Variants in REV1 observed in about 807,000 individuals in gnomAD.
REV1 encodes the protein REV1 DNA directed polymerase, also known as translesion synthesis protein REV1.
REV1 carries 42 observed loss-of-function variants against 137.4 expected under a neutral mutation model. The observed-to-expected ratio is 0.31, with a 90% CI of 0.24 to 0.40. REV1 has a LOEUF of 0.40. Among genes scored for constraint, REV1 ranks in the 10% least tolerant of loss-of-function variants. The pLI, the probability that REV1 is intolerant of heterozygous loss-of-function variation, is 1.00. For missense variants in REV1, 1,282 were observed against 1,490.1 expected, an observed-to-expected ratio of 0.86 and a Z score of 2.30; for synonymous variants, 524 against 519.2, an observed-to-expected ratio of 1.01 and a Z score of -0.12.
intron 1 of REV1, among the ~76,000 whole-genome samples, chr2:99,480,700 T>C (rs1223864778): frequency 6.6e-6 from 1 of 152,252 alleles, no homozygotes; most frequent in African/African-American, 2.4e-5. Context: ...AACTCTTTTT[T>C]TCTGGACCTG....
At chr2:99,424,096 C>G in intron 10 of REV1, 56 bp downstream of exon 10, 2 of 1,571,806 alleles carry the variant, frequency 1.3e-6, no homozygotes, top group South Asian at 2.3e-5. Flanking sequence ...ACTGTCTTTA[C>G]TATTAGCTAA....
At position 99,466,716 on chromosome 2, in the gene REV1, C is replaced by T. The variant is rs181489462; in HGVS notation, c.-10-1731G>A. On this transcript the variant is annotated intron_variant, in intron 1 of 22. Coordinates refer to ENST00000258428, the MANE Select transcript of REV1 (RefSeq NM_016316.4). ...CAACAGAGAGACAAGATAATACAAA[C>T]GTTTTAGGGGCATGTGCAAGGTGCT... Among the ~76,000 whole-genome samples, 323 of 152,160 alleles carry T rather than the reference C, an allele frequency of 2.1e-3. 2 individuals are homozygous for T. Among genetic ancestry groups the T allele is most frequent in the African/African-American group, 7.5e-3 (310 of 41,502 alleles).
rs770998843 is a variant in REV1 at position 99,412,753 on chromosome 2, T to C, written c.2150A>G (p.Asn717Ser). The part of the protein sequence containing the change: ...KERKSVSAEI[N>S]YGIRFTQPKE... ...TACCTGAGTAAACCTTATTCCATAG[T>C]TGATCTCAGCTGAAACAGATTTTCT... The change falls in exon 13 of 23, where the codon AAC (asparagine) becomes AGC (serine). Residue 717 changes from asparagine (N) to serine (S), a missense_variant. This residue lies in a region of REV1 where 372 missense variants were observed against 482.3 expected (regional missense o/e 0.77). Transcript: ENST00000258428. 5.0e-6 allele frequency: 8 copies of C among 1,613,878 alleles called. No individual in the cohort carries two copies. The highest frequency in any genetic ancestry group is 2.2e-5 in the East Asian group (1 of 44,860).
chr2:99,472,451 G>C (rs1392657867), intron 1 of REV1, among the ~76,000 whole-genome samples: 1 of 152,232 alleles, frequency 6.6e-6, no homozygotes, highest in African/African-American at 2.4e-5. Context: ...GAGATGGATA[G>C]TGGTGATGGT....
intron 5 of REV1, among the ~76,000 whole-genome samples, chr2:99,439,659 C>A (rs971089299): frequency 5.9e-5 from 9 of 151,964 alleles, no homozygotes; most frequent in Non-Finnish European, 1.0e-4. Context: ...AAGAAAAACC[C>A]AAAAAACTTT....
At position 99,401,351 on chromosome 2, in the gene REV1, G is replaced by C. The variant is rs1216825496; in HGVS notation, c.3646C>G (p.Leu1216Val). ...ACCGATTCCACCGATTGCTGCATCA[G>C]CCTAAAGGTGGGGAGAGAAGAAATG... ...LDLVIKYMKR[L>V]MQQSVESVWN... Residue 1216 changes from leucine to valine, a missense_variant and splice_region_variant, in exon 23 of 23, where the codon CTG becomes GTG. Physicochemically the swap from Leu to Val is conservative, Grantham distance 32 (BLOSUM62 1). Transcript: ENST00000258428. 1 of 1,603,840 alleles carries C rather than the reference G, an allele frequency of 6.2e-7. No individual in the cohort carries two copies. Among genetic ancestry groups the C allele is most frequent in the Non-Finnish European group, 8.5e-7 (1 of 1,171,340 alleles).
rs1222669937 is a variant in REV1 at position 99,404,638 on chromosome 2, G to A, written c.2851C>T (p.Arg951Trp). 32 of 1,611,504 alleles carry A rather than the reference G, an allele frequency of 2.0e-5. No individual in the cohort carries two copies. Among genetic ancestry groups the A allele is most frequent in the Non-Finnish European group, 2.4e-5 (28 of 1,179,438 alleles). Reference protein sequence around the residue: ...SVLEALPPDLREQVEQVCAVQ... With the variant: ...SVLEALPPDLWEQVEQVCAVQ... ...GCACAGACTTGCTCTACTTGTTCCC[G>A]GAGATCAGGTGGAAGTGCTTCTAAA... The change falls in exon 18 of 23, where the codon CGG becomes TGG. Residue 951 changes from arginine (R) to tryptophan (W), a missense_variant. Arg to Trp is a moderately radical substitution (Grantham distance 101). Transcript: ENST00000258428.
In REV1 at chr2:99,413,792, A is replaced by G. The variant is rs79679799; in HGVS notation, c.1952-841T>C. Reference sequence around the variant, plus strand: ...ACTGAGGGAAACTATAATGCTTATTAAAATGGTTCCACACCATCAAGTAAA... The same window carrying G: ...ACTGAGGGAAACTATAATGCTTATTGAAATGGTTCCACACCATCAAGTAAA... On this transcript the variant is annotated intron_variant, in intron 12 of 22. Coordinates refer to ENST00000258428, the MANE Select transcript of REV1 (RefSeq NM_016316.4). 4.6e-3 allele frequency among the ~76,000 whole-genome samples: 704 copies of G among 152,340 alleles called. 6 individuals are homozygous for G. Among genetic ancestry groups the G allele is most frequent in the African/African-American group, 0.016 (682 of 41,580 alleles).
At chr2:99,479,335 A>C (rs1686339623) in intron 1 of REV1, among the ~76,000 whole-genome samples, 1 of 151,408 alleles carries the variant, frequency 6.6e-6, no homozygotes. Flanking sequence ...TCAAAAAAAA[A>C]AAAAAAAAAC....
chr2:99,442,232 A>T (rs892457049), intron 5 of REV1, 85 bp downstream of exon 5: 43 of 1,327,414 alleles, frequency 3.2e-5, no homozygotes, highest in Non-Finnish European at 4.2e-5. Context: ...AGCCTCGGCA[A>T]CAAGAGCAAA....
At chr2:99,438,473 T>G (rs759661878) in intron 6 of REV1, 128 bp downstream of exon 6, 39 of 652,674 alleles carry the variant, frequency 6.0e-5, no homozygotes, top group Non-Finnish European at 9.2e-5. Flanking sequence ...TACTGTAACT[T>G]ACATGATTTG....
chr2:99,462,673 CCT>C (rs758763910), intron 2 of REV1, 51 bp from the exon 3 acceptor site: 132 of 1,566,994 alleles, frequency 8.4e-5, no homozygotes, highest in African/African-American at 2.2e-4. Flanking sequence ...TTTTCTCCCC[CCT>C]TTTTTGAAAA....
At chr2:99,459,290 C>T (rs1306915369) in intron 3 of REV1, among the ~76,000 whole-genome samples, 2 of 152,028 alleles carry the variant, frequency 1.3e-5, no homozygotes, top group East Asian at 1.9e-4. Flanking sequence ...AGTTGTGACA[C>T]TGTTTGCAAG....
chr2:99,406,660 A>G (rs1056163172), intron 15 of REV1, 170 bp from the exon 16 acceptor site: 1 of 468,754 alleles, frequency 2.1e-6, no homozygotes, highest in Non-Finnish European at 3.5e-6. Context: ...TACAAAAACA[A>G]TTTCTAAAGT....
At chr2:99,430,855 G>GT (rs1457314676) in intron 8 of REV1, among the ~76,000 whole-genome samples, 2 of 151,396 alleles carry the variant, frequency 1.3e-5, no homozygotes, top group Non-Finnish European at 2.9e-5. Context: ...AGAGTATGCT[G>GT]TAAAAAAAAA....
chr2:99,475,502 TG>T (rs1685873248), intron 1 of REV1, among the ~76,000 whole-genome samples: 1 of 152,182 alleles, frequency 6.6e-6, no homozygotes, highest in Admixed American at 6.5e-5. Context: ...TCTAATCAGA[TG>T]GGGAGGAAAG....
At chr2:99,408,746 G>C (rs1676689944) in intron 14 of REV1, among the ~76,000 whole-genome samples, 1 of 152,172 alleles carries the variant, frequency 6.6e-6, no homozygotes, top group Admixed American at 6.5e-5. Flanking sequence ...GAGCTTCTCT[G>C]GCATGAGCGG....
At chr2:99,419,793 T>C (rs1275377314) in intron 11 of REV1, among the ~76,000 whole-genome samples, 1 of 152,204 alleles carries the variant, frequency 6.6e-6, no homozygotes, top group Non-Finnish European at 1.5e-5. Context: ...GGCAGGGATC[T>C]GCAGAGCTCA....
At chr2:99,462,240 T>C (rs563321004) in intron 3 of REV1, among the ~76,000 whole-genome samples, 119 of 152,300 alleles carry the variant, frequency 7.8e-4, no homozygotes, top group Non-Finnish European at 1.4e-3. Context: ...CTACTACCCA[T>C]GTGTGGTAAT....
Sources: allele counts gnomAD v4.1 joint callset (sites outside exome capture counted in the v4.1 genomes callset), GRCh38; gene constraint gnomAD v4.1.1; regional missense constraint gnomAD v4.1.1; transcripts MANE v1.5; gene names NCBI Gene and HGNC (gene_info 2026-07-23, HGNC 2026-07-21).